The following USP12 variants were observed in gnomAD, a reference collection of about 807,000 sequenced individuals.
The protein encoded by USP12 is ubiquitin specific peptidase 12.
In USP12, 19 loss-of-function variants were observed where a neutral mutation model predicts 45.5. The ratio of observed to expected loss-of-function variants is 0.42; its 90% CI spans 0.29 to 0.61. USP12 has a LOEUF of 0.61. Among genes scored for constraint, USP12 ranks in the 20% least tolerant of loss-of-function variants. The pLI, the probability that USP12 is intolerant of heterozygous loss-of-function variation, is 0.22. For missense variants in USP12, 242 were observed against 447.7 expected (o/e 0.54, Z 4.15); for synonymous variants, 149 against 148.8 (o/e 1.00, Z -0.01).
intron 1 of USP12, among the ~76,000 whole-genome samples, chr13:27,120,254 C>T (rs554782005): frequency 6.6e-6 from 1 of 152,286 alleles, no homozygotes; most frequent in South Asian, 2.1e-4. Context: ...ATAATAATAG[C>T]TCCATTCCCA....
At chr13:27,110,502 G>A (rs1056943570) in intron 2 of USP12, among the ~76,000 whole-genome samples, 3 of 152,122 alleles carry the variant, frequency 2.0e-5, no homozygotes, top group Admixed American at 6.6e-5. Context: ...TTTTTGAAGA[G>A]GCTTGTGAGA....
intron 1 of USP12, among the ~76,000 whole-genome samples, chr13:27,134,673 C>G (rs1466370762): frequency 6.6e-5 from 10 of 151,818 alleles, no homozygotes; most frequent in Non-Finnish European, 1.5e-4. Context: ...AGAACTTGAA[C>G]AGTTTATTAA....
intron 6 of USP12, among the ~76,000 whole-genome samples, chr13:27,080,898 C>G (rs1048937927): frequency 6.6e-6 from 1 of 152,166 alleles, no homozygotes; most frequent in South Asian, 2.1e-4. Context: ...AAATGATCAT[C>G]TGAGCCTTCA....
intron 1 of USP12, among the ~76,000 whole-genome samples, chr13:27,130,983 G>A (rs940232514): frequency 6.6e-6 from 1 of 152,202 alleles, no homozygotes; most frequent in Non-Finnish European, 1.5e-5. Context: ...ATCAGTTCAT[G>A]AAAGTAAGGA....
At chr13:27,140,871 T>TA (rs1164878703) in intron 1 of USP12, among the ~76,000 whole-genome samples, 1 of 152,002 alleles carries the variant, frequency 6.6e-6, no homozygotes, top group Non-Finnish European at 1.5e-5. Context: ...ACACTAAAAT[T>TA]AGAGTATTAC....
chr13:27,171,782 T>C lies in USP12; in HGVS notation c.-143A>G. 3.2e-6 allele frequency: 1 copy of C among 309,066 alleles called. No individual in the cohort carries two copies. The highest frequency in any genetic ancestry group is 4.8e-6 in the Non-Finnish European group (1 of 210,378). 19.1% of individuals were successfully genotyped at this position (309,066 alleles called of 1,614,324 possible). A position where few individuals can be genotyped will look rare whatever the true frequency, so the allele number is the denominator to read the frequency against. On this transcript the variant is annotated 5_prime_UTR_variant, in exon 1 of 9. Coordinates refer to ENST00000282344, the MANE Select transcript of USP12 (RefSeq NM_182488.4). ...ACCACCGAGCCCGCTGGGCCGCCGC[T>C]GCCGTCGTCGCCGCCGGCGCTCAGG...
Position 27,071,077 on chromosome 13 carries a change from A to G in USP12, c.1005T>C (p.Ile335=). 3 of 1,607,884 alleles carry G rather than the reference A, an allele frequency of 1.9e-6. No homozygotes were observed. Among genetic ancestry groups the G allele is most frequent in the Non-Finnish European group, 1.7e-6 (2 of 1,178,492 alleles). Residue 335 remains isoleucine, a synonymous_variant, in exon 8 of 9, where the codon ATT becomes ATC. Coordinates refer to ENST00000282344, the MANE Select transcript of USP12 (RefSeq NM_182488.4). The part of the protein sequence containing the change: ...HDFWLLFDDD[I]VEKIDAQAIE... ...AAATTAAGAAACTACTTACTTCTAC[A>G]ATGTCGTCATCAAACAACAACCAAA...
chr13:27,122,652 AAAAT>A (rs376672232), intron 1 of USP12, among the ~76,000 whole-genome samples: 16 of 151,516 alleles, frequency 1.1e-4, no homozygotes, highest in African/African-American at 1.7e-4. Flanking sequence ...ACCCCATCTC[AAAAT>A]AAATAAATAA....
At chr13:27,094,665 G>C (rs1267995356) in intron 4 of USP12, among the ~76,000 whole-genome samples, 2 of 151,632 alleles carry the variant, frequency 1.3e-5, no homozygotes, top group Admixed American at 1.3e-4. Context: ...TGCATAACCT[G>C]CATCTAGTTA....
chr13:27,111,874 T>C (rs1875463346), intron 2 of USP12, among the ~76,000 whole-genome samples: 1 of 152,182 alleles, frequency 6.6e-6, no homozygotes, highest in Non-Finnish European at 1.5e-5. Context: ...TCTGTGATGT[T>C]CAGTTATTTG....
chr13:27,132,288 G>A (rs1164080380), intron 1 of USP12, among the ~76,000 whole-genome samples: 1 of 152,172 alleles, frequency 6.6e-6, no homozygotes, highest in African/African-American at 2.4e-5. Context: ...GTGCAAAGGA[G>A]ATTGGCTTAT....
chr13:27,170,758 T>C (rs1180881581), intron 1 of USP12, among the ~76,000 whole-genome samples: 1 of 152,214 alleles, frequency 6.6e-6, no homozygotes, highest in Non-Finnish European at 1.5e-5. Flanking sequence ...TCCAGCCACA[T>C]ACAGATGTGT....
chr13:27,136,893 CACA>C (rs1318199970), intron 1 of USP12, among the ~76,000 whole-genome samples: 2 of 152,126 alleles, frequency 1.3e-5, no homozygotes, highest in African/African-American at 4.8e-5. Flanking sequence ...GTAAAAAAGA[CACA>C]ACATTGGTCA....
intron 1 of USP12, among the ~76,000 whole-genome samples, chr13:27,141,976 G>A (rs111887736): frequency 0.017 from 2,511 of 152,178 alleles, 79 homozygotes; most frequent in African/African-American, 0.057. Context: ...TTAGTTGGGC[G>A]TGGTACATGA....
At chr13:27,123,053 C>T (rs1254906268) in intron 1 of USP12, among the ~76,000 whole-genome samples, 3 of 150,428 alleles carry the variant, frequency 2.0e-5, no homozygotes, top group Non-Finnish European at 4.4e-5. Context: ...GATCGCACCA[C>T]TGCACTCCAG....
intron 7 of USP12, among the ~76,000 whole-genome samples, chr13:27,074,333 G>A (rs1873380331): frequency 6.6e-6 from 1 of 152,042 alleles, no homozygotes; most frequent in Non-Finnish European, 1.5e-5. Flanking sequence ...CCGGGAGGCG[G>A]AGCTTGCACT....
chr13:27,148,127 C>CA (rs58958898), intron 1 of USP12, among the ~76,000 whole-genome samples: 91,278 of 144,764 alleles, frequency 0.63, 28,552 homozygotes, highest in South Asian at 0.83. Flanking sequence ...AGACCTATCT[C>CA]AAAAAAAAAA....
At chr13:27,158,289 A>T (rs1877930009) in intron 1 of USP12, among the ~76,000 whole-genome samples, 1 of 152,046 alleles carries the variant, frequency 6.6e-6, no homozygotes, top group Admixed American at 6.6e-5. Context: ...CTGCCAGAAA[A>T]CCACCAGTAG....
chr13:27,136,803 G>A (rs546254211), intron 1 of USP12, among the ~76,000 whole-genome samples: 48 of 152,208 alleles, frequency 3.2e-4, no homozygotes, highest in Non-Finnish European at 4.7e-4. Flanking sequence ...TATTAAAAAG[G>A]TAAAAATACA....
Sources: allele counts gnomAD v4.1 joint callset (sites outside exome capture counted in the v4.1 genomes callset), GRCh38; gene constraint gnomAD v4.1.1; transcripts MANE v1.5; gene names NCBI Gene and HGNC (gene_info 2026-07-23, HGNC 2026-07-21).